FAM193A: variants seen among roughly 807,000 people sequenced by gnomAD.
FAM193A encodes family with sequence similarity 193 member A, also known as protein FAM193A.
FAM193A carries 22 observed loss-of-function variants against 126.5 expected under a neutral mutation model. The observed-to-expected ratio is 0.17, with a 90% CI of 0.12 to 0.25. The LOEUF is 0.25. Ranked by LOEUF, FAM193A falls within the 10% of genes least tolerant of loss-of-function variation. The probability of loss-of-function intolerance (pLI) is 1.00; values close to 1 mark genes in which losing one functional copy is unlikely to be tolerated. For synonymous variants in FAM193A, 761 were observed against 646.8 expected (o/e 1.18, Z -2.68); for missense variants, 1,675 against 1,672.8 (o/e 1.00, Z -0.02).
intron 1 of FAM193A, among the ~76,000 whole-genome samples, chr4:2,553,740 T>C (rs906520924): frequency 6.6e-6 from 1 of 152,146 alleles, no homozygotes; most frequent in African/African-American, 2.4e-5. Flanking sequence ...TCTTGAATTG[T>C]GGCTCCCACA....
At chr4:2,638,549 A>G (rs1445284367) in intron 5 of FAM193A, among the ~76,000 whole-genome samples, 1 of 152,140 alleles carries the variant, frequency 6.6e-6, no homozygotes, top group Non-Finnish European at 1.5e-5. Context: ...ATGTTAACAA[A>G]ACGGAAGGTT....
At chr4:2,538,106 C>T (rs531764597) in intron 1 of FAM193A, among the ~76,000 whole-genome samples, 1 of 151,852 alleles carries the variant, frequency 6.6e-6, no homozygotes, top group Non-Finnish European at 1.5e-5. Context: ...GTTATTTAAA[C>T]TCTTAAATTA....
intron 7 of FAM193A, among the ~76,000 whole-genome samples, chr4:2,649,309 A>T (rs1295977558): frequency 3.4e-5 from 5 of 147,770 alleles, no homozygotes; most frequent in African/African-American, 1.3e-4. Context: ...CAAGAGTTAG[A>T]GGCTGCAGTG....
intron 2 of FAM193A, among the ~76,000 whole-genome samples, chr4:2,624,517 A>G (rs1577089926): frequency 1.3e-5 from 2 of 152,076 alleles, no homozygotes; most frequent in African/African-American, 4.8e-5. Flanking sequence ...CAGGACGGAG[A>G]GGCCTCTGCC....
Position 2,580,586 on chromosome 4 carries a change from C to G in FAM193A, c.256-15498C>G, listed in dbSNP as rs1178705610. 2.6e-5 allele frequency among the ~76,000 whole-genome samples: 4 copies of G among 152,138 alleles called. No individual in the cohort carries two copies. The East Asian group carries it at 7.7e-4, about 29-fold the overall frequency. Reference sequence around the variant, plus strand: ...CTTCATGAATGACTTCATGAATGTCCTCCCCATGGTAATGAATGAGTTCTT... The same window carrying G: ...CTTCATGAATGACTTCATGAATGTCGTCCCCATGGTAATGAATGAGTTCTT... On this transcript the variant is annotated intron_variant, in intron 1 of 20. Transcript: ENST00000637812.
At chr4:2,702,089 A>G (rs1351012542) in intron 19 of FAM193A, among the ~76,000 whole-genome samples, 1 of 152,116 alleles carries the variant, frequency 6.6e-6, no homozygotes, top group Non-Finnish European at 1.5e-5. Context: ...TGAATTTTCT[A>G]ATATTATTCT....
intron 6 of FAM193A, among the ~76,000 whole-genome samples, chr4:2,646,011 A>T (rs992889360): frequency 1.3e-5 from 2 of 151,178 alleles, no homozygotes; most frequent in African/African-American, 4.9e-5. Context: ...TCCCATATTT[A>T]TTTTTTTATC....
intron 1 of FAM193A, among the ~76,000 whole-genome samples, chr4:2,586,729 T>C (rs1037795334): frequency 5.3e-5 from 8 of 152,146 alleles, no homozygotes; most frequent in Non-Finnish European, 1.0e-4. Context: ...GGATGGCTCA[T>C]TGTAGCCTCA....
At chr4:2,687,999 C>T (rs1486392284) in intron 13 of FAM193A, among the ~76,000 whole-genome samples, 1 of 152,200 alleles carries the variant, frequency 6.6e-6, no homozygotes, top group Non-Finnish European at 1.5e-5. Context: ...CTTAAGAACC[C>T]TCCAGGGAAC....
chr4:2,706,224 TAAATA>T (rs965859992), intron 19 of FAM193A, among the ~76,000 whole-genome samples: 9 of 151,046 alleles, frequency 6.0e-5, no homozygotes, highest in Middle Eastern at 3.5e-3. Context: ...CAAAAATAAA[TAAATA>T]AAATCATCTT....
At chr4:2,600,736 C>T (rs563626528) in intron 2 of FAM193A, among the ~76,000 whole-genome samples, 1 of 152,326 alleles carries the variant, frequency 6.6e-6, no homozygotes, top group Non-Finnish European at 1.5e-5. Context: ...CATCTGTTTT[C>T]ATCTTCTTCA....
chr4:2,605,280 C>T (rs377101213), intron 2 of FAM193A, among the ~76,000 whole-genome samples: 8 of 152,252 alleles, frequency 5.3e-5, no homozygotes, highest in East Asian at 3.9e-4. Context: ...TCACACTTGC[C>T]GGCTGCTCCT....
chr4:2,679,724 T>C (rs1206071311), intron 13 of FAM193A, among the ~76,000 whole-genome samples: 2 of 152,130 alleles, frequency 1.3e-5, no homozygotes, highest in East Asian at 3.9e-4. Flanking sequence ...GGGGATATGC[T>C]CAGGACATGA....
chr4:2,696,580 A>C lies in FAM193A; in HGVS notation c.3494A>C (p.His1165Pro). 1 of 1,614,078 alleles carries C rather than the reference A, an allele frequency of 6.2e-7. No homozygotes were observed. The highest frequency in any genetic ancestry group is 8.5e-7 in the Non-Finnish European group (1 of 1,179,902). Reference protein sequence around the residue: ...SSTRAAKRARHKQRKLEEKAR... With the variant: ...SSTRAAKRARPKQRKLEEKAR... ...ACGCGTGCAGCGAAGCGAGCAAGGCATAAGCAAAGGAAGGCAAGTGACAGT... is the reference window on the plus strand; with the variant it reads ...ACGCGTGCAGCGAAGCGAGCAAGGCCTAAGCAAAGGAAGGCAAGTGACAGT... Residue 1165 changes from histidine (H) to proline (P), a missense_variant, in exon 18 of 21, where the codon CAT becomes CCT. By Grantham distance (77) the His-to-Pro change is moderately conservative (BLOSUM62 -2). Around this residue, in one of 4 missense-constraint regions of FAM193A, gnomAD observed 415 missense variants for 396.7 expected, o/e 1.05. Coordinates refer to ENST00000637812, the MANE Select transcript of FAM193A (RefSeq NM_001366318.2).
At chr4:2,640,458 T>C (rs1744502231) in intron 6 of FAM193A, among the ~76,000 whole-genome samples, 1 of 152,200 alleles carries the variant, frequency 6.6e-6, no homozygotes, top group Non-Finnish European at 1.5e-5. Flanking sequence ...GGCATGTGTT[T>C]GCCCTGTGGT....
At chr4:2,699,043 G>A (rs1237091606) in intron 18 of FAM193A, among the ~76,000 whole-genome samples, 1 of 152,108 alleles carries the variant, frequency 6.6e-6, no homozygotes, top group East Asian at 1.9e-4. Flanking sequence ...GACCACAGTC[G>A]TGCGCCCTCA....
chr4:2,612,354 G>C (rs572367458), intron 2 of FAM193A, among the ~76,000 whole-genome samples: 1 of 151,826 alleles, frequency 6.6e-6, no homozygotes, highest in South Asian at 2.1e-4. Flanking sequence ...ACAAAAATTA[G>C]CCGAGACGGT....
upstream of FAM193A, among the ~76,000 whole-genome samples, chr4:2,535,604 T>C (rs1444021893): frequency 2.0e-5 from 3 of 152,198 alleles, no homozygotes; most frequent in African/African-American, 7.2e-5. Context: ...GGCAGAGCTC[T>C]GCCTGGGGCT....
chr4:2,655,106 C>G (rs1440714858), intron 7 of FAM193A: 1 of 700,488 alleles, frequency 1.4e-6, no homozygotes, highest in East Asian at 2.7e-5. Context: ...CACCCTTGTC[C>G]AGTCCTGGCT....
Sources: allele counts gnomAD v4.1 joint callset (sites outside exome capture counted in the v4.1 genomes callset), GRCh38; gene constraint gnomAD v4.1.1; regional missense constraint gnomAD v4.1.1; transcripts MANE v1.5; gene names NCBI Gene and HGNC (gene_info 2026-07-23, HGNC 2026-07-21).